Variants in MEIKIN observed in about 807,000 individuals in gnomAD.
The protein encoded by MEIKIN is meiosis-specific kinetochore protein.
chr5:131,828,279 C>T (rs987783746), intron 11 of MEIKIN, among the ~76,000 whole-genome samples: 3 of 152,158 alleles, frequency 2.0e-5, no homozygotes, highest in African/African-American at 7.2e-5. Context: ...CCTCCCATCT[C>T]AGCCTCCTGA....
chr5:131,813,682 C>T (rs536080748), intron 12 of MEIKIN, among the ~76,000 whole-genome samples: 1 of 152,210 alleles, frequency 6.6e-6, no homozygotes, highest in South Asian at 2.1e-4. Flanking sequence ...CCGCCTCAGC[C>T]TCCCGAAGTA....
chr5:131,909,797 T>C (rs1751303145), intron 8 of MEIKIN, among the ~76,000 whole-genome samples: 1 of 152,084 alleles, frequency 6.6e-6, no homozygotes, highest in South Asian at 2.1e-4. Context: ...GACATACAAA[T>C]GGCAAACAGG....
At chr5:131,844,028 G>A (rs4361508) in intron 11 of MEIKIN, among the ~76,000 whole-genome samples, 10,699 of 152,200 alleles carry the variant, frequency 0.07, 483 homozygotes, top group Non-Finnish European at 0.1. Context: ...ACATGGTTAC[G>A]GCAGAATGTG....
intron 12 of MEIKIN, among the ~76,000 whole-genome samples, chr5:131,809,371 C>G (rs757499348): frequency 3.9e-4 from 60 of 152,194 alleles, no homozygotes; most frequent in Non-Finnish European, 7.1e-4. Context: ...TACTTCATCT[C>G]TTTATTTTCA....
At chr5:131,922,038 A>T (rs1751514146) in intron 5 of MEIKIN, 97 bp from the exon 6 acceptor site, 1 of 394,894 alleles carries the variant, frequency 2.5e-6, no homozygotes, top group Non-Finnish European at 4.5e-6. Context: ...GCCCATACTA[A>T]ATGATGGTAT....
intron 9 of MEIKIN, among the ~76,000 whole-genome samples, chr5:131,855,056 C>T (rs983341918): frequency 6.6e-6 from 1 of 152,110 alleles, no homozygotes; most frequent in Non-Finnish European, 1.5e-5. Context: ...TATGGCATAG[C>T]AACTATATGA....
At chr5:131,864,331 C>T (rs1241772005) in intron 9 of MEIKIN, among the ~76,000 whole-genome samples, 4 of 152,028 alleles carry the variant, frequency 2.6e-5, no homozygotes, top group African/African-American at 9.7e-5. Context: ...GTTTGCTTTA[C>T]TTGTGAGTTT....
intron 8 of MEIKIN, among the ~76,000 whole-genome samples, chr5:131,902,674 T>C (rs115057521): frequency 0.017 from 2,540 of 152,166 alleles, 52 homozygotes; most frequent in African/African-American, 0.046. Flanking sequence ...CTTCAAAGAC[T>C]GAAGAAACAT....
chr5:131,854,472 T>C (rs1750162832), intron 10 of MEIKIN, among the ~76,000 whole-genome samples: 1 of 152,186 alleles, frequency 6.6e-6, no homozygotes, highest in South Asian at 2.1e-4. Flanking sequence ...TTAAAAATGG[T>C]TAAAATTATA....
intron 9 of MEIKIN, among the ~76,000 whole-genome samples, chr5:131,874,049 T>C (rs1750560445): frequency 6.6e-6 from 1 of 152,030 alleles, no homozygotes; most frequent in Admixed American, 6.6e-5. Context: ...GCAGGAAAGA[T>C]CTAAAATTGA....
intron 8 of MEIKIN, among the ~76,000 whole-genome samples, chr5:131,886,699 A>C (rs1295323098): frequency 6.6e-6 from 1 of 152,244 alleles, no homozygotes; most frequent in East Asian, 1.9e-4. Context: ...ATGAGCAATA[A>C]GAAATAATGT....
At chr5:131,833,223 C>T (rs940904895) in intron 11 of MEIKIN, among the ~76,000 whole-genome samples, 1 of 152,206 alleles carries the variant, frequency 6.6e-6, no homozygotes, top group African/African-American at 2.4e-5. Flanking sequence ...TCATCTCTCT[C>T]AAGTTCAACG....
chr5:131,936,495 G>C (rs1751778978), intron 4 of MEIKIN, among the ~76,000 whole-genome samples: 1 of 152,056 alleles, frequency 6.6e-6, no homozygotes, highest in Non-Finnish European at 1.5e-5. Flanking sequence ...TCACCTTTTT[G>C]CTACAATTTC....
chr5:131,864,912 A>C (rs1750357418), intron 9 of MEIKIN, among the ~76,000 whole-genome samples: 1 of 152,044 alleles, frequency 6.6e-6, no homozygotes, highest in African/African-American at 2.4e-5. Context: ...CATTCTTGTT[A>C]ATTTTTTCTT....
chr5:131,817,210 G>A (rs1432855427), intron 12 of MEIKIN, among the ~76,000 whole-genome samples: 1 of 152,160 alleles, frequency 6.6e-6, no homozygotes, highest in Non-Finnish European at 1.5e-5. Flanking sequence ...TAAGTCCCTT[G>A]GACTTGGACT....
At chr5:131,901,528 C>G (rs755577721) in intron 8 of MEIKIN, among the ~76,000 whole-genome samples, 6 of 152,182 alleles carry the variant, frequency 3.9e-5, no homozygotes, top group African/African-American at 1.4e-4. Context: ...ACTGCCACTG[C>G]TGCTGGCATG....
At chr5:131,813,950 GAA>G (rs1773052177) in intron 12 of MEIKIN, among the ~76,000 whole-genome samples, 1 of 152,164 alleles carries the variant, frequency 6.6e-6, no homozygotes, top group African/African-American at 2.4e-5. Context: ...TCCCAAAGCT[GAA>G]AAACTTGGAG....
At chr5:131,879,971 G>A (rs1750677867) in intron 8 of MEIKIN, among the ~76,000 whole-genome samples, 1 of 152,064 alleles carries the variant, frequency 6.6e-6, no homozygotes, top group South Asian at 2.1e-4. Flanking sequence ...CCAGGCTGGA[G>A]GGCAGTGGCG....
intron 9 of MEIKIN, among the ~76,000 whole-genome samples, chr5:131,858,536 G>A (rs1272520380): frequency 1.3e-5 from 2 of 152,180 alleles, no homozygotes; most frequent in Non-Finnish European, 2.9e-5. Context: ...AAGATTTCAT[G>A]AGGAAGATGC....
Sources: allele counts gnomAD v4.1 joint callset (sites outside exome capture counted in the v4.1 genomes callset), GRCh38; gene constraint gnomAD v4.1.1; transcripts MANE v1.5; gene names NCBI Gene and HGNC (gene_info 2026-07-23, HGNC 2026-07-21).